SHISA9: variants seen among roughly 807,000 people sequenced by gnomAD.
SHISA9 encodes protein shisa-9.
SHISA9 carries 13 observed loss-of-function variants against 38.0 expected under a neutral mutation model. That is an observed-to-expected ratio of 0.34 (90% CI 0.22 to 0.54). The LOEUF (loss-of-function observed/expected upper bound fraction) is 0.54, where lower values mean the gene tolerates loss of function less well. Among genes scored for constraint, SHISA9 ranks in the 20% least tolerant of loss-of-function variants. SHISA9 has a pLI of 0.91. For synonymous variants in SHISA9, 275 were observed against 242.0 expected, an observed-to-expected ratio of 1.14 and a Z score of -1.27; for missense variants, 538 against 575.8, an observed-to-expected ratio of 0.93 and a Z score of 0.67.
chr16:13,255,833 C>G, the SHISA9 span, among the ~76,000 whole-genome samples: 2 of 152,328 alleles, frequency 1.3e-5, no homozygotes, highest in East Asian at 3.9e-4. Context: ...GAGATGATCA[C>G]TATCTTTCCT....
chr16:13,028,156 G>T (rs2072948003), intron 2 of SHISA9, among the ~76,000 whole-genome samples: 2 of 152,020 alleles, frequency 1.3e-5, no homozygotes, highest in East Asian at 1.9e-4. Context: ...GTATGTATGT[G>T]TCAAAATTGA....
chr16:13,026,556 T>C (rs1311597048), intron 2 of SHISA9, among the ~76,000 whole-genome samples: 1 of 152,228 alleles, frequency 6.6e-6, no homozygotes, highest in African/African-American at 2.4e-5. Flanking sequence ...AGATATCTCT[T>C]TGAGTTCCAG....
the SHISA9 span, among the ~76,000 whole-genome samples, chr16:13,262,665 G>GAAGA: frequency 1.3e-4 from 15 of 114,902 alleles, no homozygotes; most frequent in African/African-American, 4.7e-4. Flanking sequence ...AGGAAGGAAG[G>GAAGA]AAGGAAGGGA....
chr16:13,190,783 C>T (rs1048704901), intron 2 of SHISA9, among the ~76,000 whole-genome samples: 7 of 152,146 alleles, frequency 4.6e-5, no homozygotes, highest in African/African-American at 1.7e-4. Context: ...TATTTAACAA[C>T]TCTAGTTTTA....
the SHISA9 span, among the ~76,000 whole-genome samples, chr16:13,410,434 G>A: frequency 3.9e-5 from 6 of 152,120 alleles, no homozygotes; most frequent in South Asian, 8.3e-4. Flanking sequence ...TAAATGATAC[G>A]TCATGTATTT....
chr16:13,349,412 T>C, the SHISA9 span, among the ~76,000 whole-genome samples: 1 of 152,220 alleles, frequency 6.6e-6, no homozygotes, highest in Non-Finnish European at 1.5e-5. Context: ...GATGCGTATG[T>C]GACTTTGCTG....
chr16:13,273,714 A>G, the SHISA9 span, among the ~76,000 whole-genome samples: 1 of 152,206 alleles, frequency 6.6e-6, no homozygotes, highest in Non-Finnish European at 1.5e-5. Flanking sequence ...TGCCTATTGC[A>G]CAGGAAAATT....
At chr16:13,416,970 C>A in the SHISA9 span, among the ~76,000 whole-genome samples, 1 of 152,102 alleles carries the variant, frequency 6.6e-6, no homozygotes, top group African/African-American at 2.4e-5. Flanking sequence ...CTTAAAATTA[C>A]CTCTGGAAGA....
At chr16:13,078,534 T>C (rs2073610762) in intron 2 of SHISA9, among the ~76,000 whole-genome samples, 1 of 151,412 alleles carries the variant, frequency 6.6e-6, no homozygotes, top group South Asian at 2.1e-4. Flanking sequence ...GCCACTGGAG[T>C]AGCTGGGATT....
the SHISA9 span, among the ~76,000 whole-genome samples, chr16:13,377,058 C>G: frequency 6.6e-6 from 1 of 152,200 alleles, no homozygotes; most frequent in African/African-American, 2.4e-5. Context: ...TGCTTCCATC[C>G]TCTCAGGAGG....
chr16:13,362,771 C>G, the SHISA9 span, among the ~76,000 whole-genome samples: 1 of 152,172 alleles, frequency 6.6e-6, no homozygotes, highest in Non-Finnish European at 1.5e-5. Flanking sequence ...TCTCCCAACT[C>G]CTGGAGCAAA....
chr16:13,495,722 AAAG>A, the SHISA9 span, among the ~76,000 whole-genome samples: 1 of 152,098 alleles, frequency 6.6e-6, no homozygotes, highest in African/African-American at 2.4e-5. Context: ...GAATTGAGAA[AAAG>A]AAGGGCAAAA....
chr16:13,104,027 A>G (rs534677421), intron 2 of SHISA9, among the ~76,000 whole-genome samples: 52 of 152,150 alleles, frequency 3.4e-4, no homozygotes, highest in Middle Eastern at 3.4e-3. Flanking sequence ...TCCATCTCCA[A>G]ATTGCTCCAG....
At chr16:13,401,744 C>T in the SHISA9 span, among the ~76,000 whole-genome samples, 4 of 152,220 alleles carry the variant, frequency 2.6e-5, no homozygotes, top group Middle Eastern at 3.4e-3. Flanking sequence ...ATATATTAGT[C>T]AGGTGTATTA....
rs187064380 is a variant in SHISA9 at position 12,909,225 on chromosome 16, A to T, written c.563+6598A>T. On this transcript the variant is annotated intron_variant, in intron 1 of 4. Transcript: ENST00000558583. ...GCATTTTAAAAATCAACTTCATTGA[A>T]GTATAATTTACACAATAAAATGCAC... 69 of 985,640 alleles carry T rather than the reference A, an allele frequency of 7.0e-5. No homozygotes were observed. In the African/African-American group the frequency reaches 1.2e-3, roughly 17 times the overall value. The allele number at this position is 985,640 out of a possible 1,614,324, so 61.1% of individuals were successfully genotyped here.
In SHISA9 at chr16:13,037,739, G is replaced by T. The variant is rs545009501; in HGVS notation, c.691+120924G>T. 3.3e-5 allele frequency among the ~76,000 whole-genome samples: 5 copies of T among 152,118 alleles called. No homozygotes were observed. The South Asian group carries it at 1.0e-3, about 32-fold the overall frequency. On this transcript the variant is annotated intron_variant, in intron 2 of 4. Coordinates refer to ENST00000558583, the MANE Select transcript of SHISA9 (RefSeq NM_001145204.3). ...CCAGCCTTTTGTTTTTCAGTATTTT[G>T]ACCTTAGAACGTTATAGACATGTAT...
At chr16:13,224,565 T>C (rs2051260706) in intron 4 of SHISA9, among the ~76,000 whole-genome samples, 1 of 152,208 alleles carries the variant, frequency 6.6e-6, no homozygotes, top group Non-Finnish European at 1.5e-5. Context: ...GCACGCCTGC[T>C]GTATACCAGG....
the SHISA9 span, among the ~76,000 whole-genome samples, chr16:13,557,904 G>A: frequency 2.2e-4 from 33 of 151,900 alleles, no homozygotes; most frequent in Non-Finnish European, 4.9e-4. Context: ...CCACCACAGG[G>A]TTTTCATTTT....
the SHISA9 span, among the ~76,000 whole-genome samples, chr16:13,516,061 A>T: frequency 6.6e-6 from 1 of 152,216 alleles, no homozygotes. Flanking sequence ...ATTGCATGGT[A>T]GGCTGCTCAA....
Sources: gnomAD v4.1 joint callset for allele counts (sites outside exome capture counted in the v4.1 genomes callset) on GRCh38, gnomAD v4.1.1 for gene constraint, MANE v1.5 for transcripts, NCBI Gene and HGNC (gene_info 2026-07-23, HGNC 2026-07-21) for gene names.